The following PTPRT variants were observed in gnomAD, a reference collection of about 807,000 sequenced individuals.
The protein encoded by PTPRT is protein tyrosine phosphatase receptor type T, also known as receptor-type tyrosine-protein phosphatase T.
A neutral mutation model predicts 176.8 loss-of-function variants in PTPRT; 56 were observed. That is an observed-to-expected ratio of 0.32 (90% confidence interval 0.26 to 0.40). PTPRT has a LOEUF of 0.40. Ranked by LOEUF, PTPRT falls within the 10% of genes least tolerant of loss-of-function variation. PTPRT has a pLI of 1.00. For synonymous variants in PTPRT, 783 were observed against 739.0 expected (o/e 1.06, Z -0.96); for missense variants, 1,540 against 1,908.2 (o/e 0.81, Z 3.60).
chr20:42,829,286 G>A (rs369773235), intron 2 of PTPRT, among the ~76,000 whole-genome samples: 28 of 152,322 alleles, frequency 1.8e-4, no homozygotes, highest in African/African-American at 5.1e-4. Context: ...CCCAATGCCC[G>A]TACCTCCACT....
intron 7 of PTPRT, among the ~76,000 whole-genome samples, chr20:42,653,786 T>A (rs6065520): frequency 0.16 from 25,098 of 152,234 alleles, 2,473 homozygotes; most frequent in East Asian, 0.3. Context: ...TTGGGAATTC[T>A]TGATCTGCGA....
intron 2 of PTPRT, among the ~76,000 whole-genome samples, chr20:42,851,347 C>A (rs1203866298): frequency 6.6e-6 from 1 of 152,162 alleles, no homozygotes; most frequent in African/African-American, 2.4e-5. Context: ...AAAGACTGTG[C>A]TTTTAACAAC....
Position 42,610,387 on chromosome 20 carries a change from T to TG in PTPRT, c.1153+67478_1153+67479insC, listed in dbSNP as rs61436389. Among the ~76,000 whole-genome samples, 851 of 151,416 alleles carry TG rather than the reference T, an allele frequency of 5.6e-3. 8 individuals carry two copies. Among genetic ancestry groups the TG allele is most frequent in the African/African-American group, 0.02 (811 of 41,138 alleles). On this transcript the variant is annotated intron_variant, in intron 7 of 30. Coordinates refer to ENST00000373187, the MANE Select transcript of PTPRT (RefSeq NM_007050.6). ...GCGGGTTTACTTGTTTTGTTTTTTT[T>TG]TTTTGTTTTTTTTTTTGAGATGGGG... is the stretch of plus-strand genomic sequence containing the variant.
Position 42,833,839 on chromosome 20 carries a change from C to A in PTPRT, c.215-42373G>T, listed in dbSNP as rs188197884. ...GGAGCGGGGGGAAGAAAGGAGGACC[C>A]TTGACCTATACCTCTCACTATATGT... On this transcript the variant is annotated intron_variant, in intron 2 of 30. Transcript: ENST00000373187. Among the ~76,000 whole-genome samples, 30 of 152,252 alleles carry A rather than the reference C, an allele frequency of 2.0e-4. No homozygotes were observed. The East Asian group carries it at 5.2e-3, about 26-fold the overall frequency.
intron 7 of PTPRT, among the ~76,000 whole-genome samples, chr20:42,579,431 G>T (rs1345852896): frequency 6.6e-6 from 1 of 152,130 alleles, no homozygotes; most frequent in Non-Finnish European, 1.5e-5. Flanking sequence ...CCCAGTAATG[G>T]CATGGCTGGG....
intron 2 of PTPRT, among the ~76,000 whole-genome samples, chr20:42,885,584 C>T (rs986310394): frequency 6.6e-6 from 1 of 152,020 alleles, no homozygotes; most frequent in Admixed American, 6.6e-5. Context: ...AGAATCTCGA[C>T]GCTAAAAGAA....
In PTPRT at chr20:42,080,880, T is replaced by TA; in HGVS notation, c.4324dup (p.Ter1442LeufsTer16). 2 of 1,610,466 alleles carry TA rather than the reference T, an allele frequency of 1.2e-6. No individual in the cohort carries two copies. The highest frequency in any genetic ancestry group is 1.7e-6 in the Non-Finnish European group (2 of 1,177,318). On this transcript the variant is annotated frameshift_variant and stop_lost, in exon 31 of 31. Transcript: ENST00000373187. LOFTEE classifies it high-confidence loss of function. ...CGGCAGGTTCCCCATCCCATTGAGC[T>TA]AAAAGGAGCTTAAATATTCCAGTGC...
intron 2 of PTPRT, among the ~76,000 whole-genome samples, chr20:42,852,485 G>C (rs1386749748): frequency 1.3e-5 from 2 of 151,976 alleles, no homozygotes; most frequent in African/African-American, 4.8e-5. Context: ...TTCGTATCTG[G>C]TCCCTAAAAC....
At chr20:42,557,728 G>A (rs1293824602) in intron 7 of PTPRT, among the ~76,000 whole-genome samples, 1 of 152,034 alleles carries the variant, frequency 6.6e-6, no homozygotes, top group Admixed American at 6.6e-5. Flanking sequence ...ATAGACATAC[G>A]AAGAAAATGG....
intron 7 of PTPRT, among the ~76,000 whole-genome samples, chr20:42,669,268 G>A (rs2146033402): frequency 1.3e-5 from 2 of 152,196 alleles, no homozygotes; most frequent in Middle Eastern, 3.4e-3. Flanking sequence ...CACTGCACAA[G>A]CAACTATGTC....
intron 1 of PTPRT, among the ~76,000 whole-genome samples, chr20:43,149,387 A>G (rs1467407835): frequency 6.6e-6 from 1 of 152,248 alleles, no homozygotes; most frequent in East Asian, 1.9e-4. Context: ...GAGAAAAGCC[A>G]ACCAAATACT....
At chr20:42,359,722 C>T (rs1276910221) in intron 9 of PTPRT, among the ~76,000 whole-genome samples, 2 of 152,242 alleles carry the variant, frequency 1.3e-5, no homozygotes, top group Admixed American at 6.5e-5. Context: ...CCAGGCTTCC[C>T]TGCTTTCCAA....
At chr20:42,174,750 T>G (rs1055513359) in intron 16 of PTPRT, among the ~76,000 whole-genome samples, 2 of 152,134 alleles carry the variant, frequency 1.3e-5, no homozygotes, top group African/African-American at 4.8e-5. Context: ...ACTTTGGACA[T>G]GAATAGGGCT....
intron 1 of PTPRT, among the ~76,000 whole-genome samples, chr20:43,012,299 T>C (rs912697815): frequency 6.6e-6 from 1 of 152,168 alleles, no homozygotes; most frequent in Non-Finnish European, 1.5e-5. Context: ...CTTGAAGACA[T>C]GGAGCTAAGT....
intron 18 of PTPRT, among the ~76,000 whole-genome samples, chr20:42,139,870 T>C (rs1195330735): frequency 6.6e-6 from 1 of 152,256 alleles, no homozygotes; most frequent in Non-Finnish European, 1.5e-5. Context: ...CCAGTGCCCA[T>C]CACAGGGCCT....
intron 6 of PTPRT, among the ~76,000 whole-genome samples, chr20:42,696,563 C>T (rs2075882556): frequency 6.6e-6 from 1 of 151,672 alleles, no homozygotes; most frequent in Non-Finnish European, 1.5e-5. Context: ...TCACACCATT[C>T]TCCTGCCTCA....
chr20:42,251,007 C>T (rs1238132134), intron 13 of PTPRT, among the ~76,000 whole-genome samples: 1 of 152,198 alleles, frequency 6.6e-6, no homozygotes, highest in East Asian at 1.9e-4. Context: ...GGGACGAGGG[C>T]TGGTTCTGAG....
At chr20:43,087,451 C>T (rs2011644015) in intron 1 of PTPRT, among the ~76,000 whole-genome samples, 2 of 149,188 alleles carry the variant, frequency 1.3e-5, no homozygotes, top group Admixed American at 6.7e-5. Flanking sequence ...GCAACCTCCA[C>T]CTCTCAGATT....
chr20:42,119,199 G>A (rs1987456903), intron 20 of PTPRT, among the ~76,000 whole-genome samples: 1 of 151,944 alleles, frequency 6.6e-6, no homozygotes, highest in South Asian at 2.1e-4. Context: ...ATATGTATAT[G>A]TGTGTATTTA....
Sources: allele counts gnomAD v4.1 joint callset (sites outside exome capture counted in the v4.1 genomes callset), GRCh38; gene constraint gnomAD v4.1.1; transcripts MANE v1.5; gene names NCBI Gene and HGNC (gene_info 2026-07-23, HGNC 2026-07-21).